The following TSR1 variants were observed in gnomAD, a reference collection of about 807,000 sequenced individuals.
TSR1 encodes pre-rRNA-processing protein TSR1 homolog.
A neutral mutation model predicts 90.9 loss-of-function variants in TSR1; 81 were observed. That is an observed-to-expected ratio of 0.89 (90% CI 0.74 to 1.07). The LOEUF is 1.07. Among genes scored for constraint, TSR1 ranks in the 50% least tolerant of loss-of-function variants. The probability of loss-of-function intolerance (pLI) is 0.00; values close to 1 mark genes in which losing one functional copy is unlikely to be tolerated. For synonymous variants in TSR1, 362 were observed against 348.8 expected, an observed-to-expected ratio of 1.04 and a Z score of -0.42; for missense variants, 989 against 987.3, an observed-to-expected ratio of 1.00 and a Z score of -0.02.
chr17:2,327,974 G>A (rs2075584384), intron 11 of TSR1, among the ~76,000 whole-genome samples: 1 of 152,030 alleles, frequency 6.6e-6, no homozygotes, highest in African/African-American at 2.4e-5. Flanking sequence ...TGACTGGCCA[G>A]GCGCAGTGGC....
chr17:2,328,612 AC>A (rs1449472937), intron 11 of TSR1, among the ~76,000 whole-genome samples: 3 of 149,144 alleles, frequency 2.0e-5, no homozygotes, highest in African/African-American at 7.4e-5. Flanking sequence ...AAACAAACAA[AC>A]AAAAAAAAAC....
chr17:2,333,703 T>G lies in TSR1; in HGVS notation c.995A>C (p.Asp332Ala). 6.2e-7 allele frequency: 1 copy of G among 1,613,972 alleles called. No individual in the cohort carries two copies. Among genetic ancestry groups the G allele is most frequent in the Non-Finnish European group, 8.5e-7 (1 of 1,180,004 alleles). The change falls in exon 6 of 15, where the codon GAT (aspartate) becomes GCT (alanine). Residue 332 changes from aspartate (D) to alanine (A), a missense_variant. Transcript: ENST00000301364. ...PDMAMEICAT[D>A]AVDDMEEGLK... is the part of the protein sequence containing the mutation. ...ACCTTCTTCCATATCATCTACAGCA[T>G]CCGTAGCACAAATCTGAAAACCAAA...
At chr17:2,332,916 A>C (rs1244304514) in intron 7 of TSR1, 45 bp downstream of exon 7, 7 of 1,588,714 alleles carry the variant, frequency 4.4e-6, no homozygotes, top group Non-Finnish European at 6.0e-6. Context: ...TTTGCCTTAC[A>C]TTTGGAGCTA....
chr17:2,329,357 G>C lies in TSR1; in HGVS notation c.1889C>G (p.Ser630Cys), dbSNP rs142295117. The C allele has an allele frequency of 2.5e-6, 4 of 1,614,192 alleles. No homozygotes were observed. Among genetic ancestry groups the C allele is most frequent in the Non-Finnish European group, 3.4e-6 (4 of 1,180,038 alleles). ...FRRFRASPLF[S>C]QHTAADKHKL... is the part of the protein sequence containing the mutation. ...CCATTGCTAACCTGCAGTGTGCTGA[G>C]AGAATAAAGGTGAGGCTCGGAAGCG... Residue 630 changes from serine to cysteine, a missense_variant, in exon 11 of 15, where the codon TCT (serine) becomes TGT (cysteine). Ser to Cys is a moderately radical substitution (Grantham distance 112). Coordinates refer to ENST00000301364, the MANE Select transcript of TSR1 (RefSeq NM_018128.5).
Position 2,324,693 on chromosome 17 carries a change from G to A in TSR1, c.2157C>T (p.Asn719=), listed in dbSNP as rs200831927. The A allele has an allele frequency of 6.2e-7, 1 of 1,614,050 alleles. No individual in the cohort carries two copies. ...ATCCTCCTCCTTCATACCCACCTCT[G>A]TTGAAGAACATGTAACGTACTACTG... is the stretch of plus-strand genomic sequence containing the variant. ...KMAVVRYMFF[N]REDVLWFKPV... The change falls in exon 13 of 15, where the codon AAC becomes AAT. Residue 719 remains asparagine (N), a synonymous_variant. Transcript: ENST00000301364.
At position 2,329,359 on chromosome 17, in the gene TSR1, G is replaced by T; in HGVS notation, c.1887C>A (p.Phe629Leu). 6.2e-7 allele frequency: 1 copy of T among 1,614,214 alleles called. No homozygotes were observed. Among genetic ancestry groups the T allele is most frequent in the Non-Finnish European group, 8.5e-7 (1 of 1,180,036 alleles). Residue 629 changes from phenylalanine (F) to leucine (L), a missense_variant, in exon 11 of 15, where the codon TTC (phenylalanine) becomes TTA (leucine). Physicochemically the swap from Phe to Leu is conservative, Grantham distance 22. Coordinates refer to ENST00000301364, the MANE Select transcript of TSR1 (RefSeq NM_018128.5). ...ATTGCTAACCTGCAGTGTGCTGAGA[G>T]AATAAAGGTGAGGCTCGGAAGCGCC... ...GFRRFRASPL[F>L]SQHTAADKHK...
intron 10 of TSR1, chr17:2,330,161 C>A (rs1179129852): frequency 2.3e-6 from 1 of 437,050 alleles, no homozygotes; most frequent in East Asian, 5.7e-5. Flanking sequence ...TCAGGTGATC[C>A]ACCCACCTTG....
In TSR1 at chr17:2,322,893, T is replaced by C; in HGVS notation, c.*1303A>G. The C allele has an allele frequency of 2.2e-6, 1 of 455,364 alleles. No individual in the cohort carries two copies. The highest frequency in any genetic ancestry group is 4.1e-6 in the Non-Finnish European group (1 of 246,660). 28.2% of individuals were successfully genotyped at this position (455,364 alleles called of 1,614,324 possible). ...GATTCTCCTACCTCAGCCTCTTGAGTAGCTGGGATTACAGGGGTCTGCCAC... is the reference window on the plus strand; with the variant it reads ...GATTCTCCTACCTCAGCCTCTTGAGCAGCTGGGATTACAGGGGTCTGCCAC... On this transcript the variant is annotated 3_prime_UTR_variant, in exon 15 of 15. Coordinates refer to ENST00000301364, the MANE Select transcript of TSR1 (RefSeq NM_018128.5).
chr17:2,336,358 G>A lies in TSR1; in HGVS notation c.70C>T (p.Arg24Trp). ...TTGCCGTCCCGCTGTGCAGATCCCCGACCCCGATGCCGTCCGCCTTTATGA... is the reference window on the plus strand; with the variant it reads ...TTGCCGTCCCGCTGTGCAGATCCCCAACCCCGATGCCGTCCGCCTTTATGA... Reference protein sequence around the residue: ...KAHKGGRHRGRGSAQRDGKGR... With the variant: ...KAHKGGRHRGWGSAQRDGKGR... The change falls in exon 1 of 15, where the codon CGG (arginine) becomes TGG (tryptophan). Residue 24 changes from arginine (R) to tryptophan (W), a missense_variant. Coordinates refer to ENST00000301364, the MANE Select transcript of TSR1 (RefSeq NM_018128.5). 2 of 1,613,912 alleles carry A rather than the reference G, an allele frequency of 1.2e-6. No individual in the cohort carries two copies. Among genetic ancestry groups the A allele is most frequent in the African/African-American group, 1.3e-5 (1 of 75,046 alleles).
chr17:2,334,888 C>T lies in TSR1; in HGVS notation c.565G>A (p.Val189Ile). 6.2e-7 allele frequency: 1 copy of T among 1,610,034 alleles called. No individual in the cohort carries two copies. The highest frequency in any genetic ancestry group is 8.5e-7 in the Non-Finnish European group (1 of 1,178,098). ...AGTGGGAGGCCAGAAATCCCCTGGA[C>T]AGCTAGTGCTGTAAGCGAAAGAGAA... ...AQGLPTYTLA[V>I]QGISGLPLKK... The change falls in exon 5 of 15, where the codon GTC (valine) becomes ATC (isoleucine). Residue 189 changes from valine to isoleucine, a missense_variant. Physicochemically the swap from Val to Ile is conservative, Grantham distance 29. Transcript: ENST00000301364.
chr17:2,334,647 A>G lies in TSR1; in HGVS notation c.806T>C (p.Val269Ala), dbSNP rs1206021790. 7.5e-6 allele frequency: 12 copies of G among 1,600,100 alleles called. No homozygotes were observed. Among genetic ancestry groups the G allele is most frequent in the Non-Finnish European group, 1.0e-5 (12 of 1,167,900 alleles). ...ATAGCCTGAAATTTTCAAGGTGCCC[A>G]CCAAGTTATTCTCTTCACTAGGAAC... is the stretch of plus-strand genomic sequence containing the variant. ...DFVPSEENNL[V>A]GTLKISGYVR... is the part of the protein sequence containing the mutation. The change falls in exon 5 of 15, where the codon GTG becomes GCG. Residue 269 changes from valine to alanine, a missense_variant. Coordinates refer to ENST00000301364, the MANE Select transcript of TSR1 (RefSeq NM_018128.5).
intron 5 of TSR1, 62 bp from the exon 6 acceptor site, chr17:2,333,778 TA>T (rs1443225710): frequency 2.5e-6 from 4 of 1,597,842 alleles, no homozygotes; most frequent in Non-Finnish European, 3.4e-6. Context: ...TCTAACACAG[TA>T]ACCAGAAAGA....
rs1394921812 is a variant in TSR1 at position 2,329,491 on chromosome 17, GA to G, written c.1771-17del. On this transcript the variant is annotated splice_polypyrimidine_tract_variant and intron_variant, in intron 10 of 14. Transcript: ENST00000301364. Reference sequence around the variant, plus strand: ...ATACTGACATCTGGGGACCAAGTAAGAAAAACAAAAATCTTCATAGTCTAGG... The same window carrying G: ...ATACTGACATCTGGGGACCAAGTAAGAAAACAAAAATCTTCATAGTCTAGG... The G allele has an allele frequency of 2.3e-5, 37 of 1,610,480 alleles. No individual in the cohort carries two copies. The highest frequency in any genetic ancestry group is 3.1e-5 in the Non-Finnish European group (37 of 1,179,092).
chr17:2,330,312 C>T, intron 10 of TSR1: 3 of 702,444 alleles, frequency 4.3e-6, no homozygotes, highest in South Asian at 4.1e-5. Flanking sequence ...GAGATTGCAT[C>T]ACTGAGATGC....
In TSR1 at chr17:2,335,345, C is replaced by T; in HGVS notation, c.471G>A (p.Leu157=). Residue 157 remains leucine (L), a synonymous_variant, in exon 4 of 15, where the codon CTG becomes CTA. Coordinates refer to ENST00000301364, the MANE Select transcript of TSR1 (RefSeq NM_018128.5). Reference sequence around the variant, plus strand: ...AGCCTTCTAGTGGATCAAGGAGGAACAGGATGGTATCAGCTACTTTAGCCA... The same window carrying T: ...AGCCTTCTAGTGGATCAAGGAGGAATAGGATGGTATCAGCTACTTTAGCCA... The part of the protein sequence containing the change: ...LDMAKVADTI[L]FLLDPLEGWD... The T allele has an allele frequency of 3.7e-6, 6 of 1,613,274 alleles. No individual in the cohort carries two copies. Among genetic ancestry groups the T allele is most frequent in the Non-Finnish European group, 5.1e-6 (6 of 1,179,966 alleles).
intron 6 of TSR1, chr17:2,333,335 T>C (rs1285178304): frequency 1.2e-6 from 1 of 850,224 alleles, no homozygotes; most frequent in Non-Finnish European, 1.9e-6. Flanking sequence ...TCCAAAGTTG[T>C]TTATCTGTTC....
chr17:2,332,294 A>G lies in TSR1; in HGVS notation c.1371T>C (p.Asp457=). 1.2e-6 allele frequency: 2 copies of G among 1,613,962 alleles called. No homozygotes were observed. The highest frequency in any genetic ancestry group is 1.7e-6 in the Non-Finnish European group (2 of 1,180,008). ...TMTIGESVHD[D]LYDKKVDEEA... ...CTTCATCTACTTTCTTATCATACAG[A>G]TCATCATGCACAGACTCCCCAATAG... The change falls in exon 8 of 15, where the codon GAT becomes GAC. Residue 457 remains aspartate, a synonymous_variant. Coordinates refer to ENST00000301364, the MANE Select transcript of TSR1 (RefSeq NM_018128.5).
At position 2,332,190 on chromosome 17, in the gene TSR1, CG is replaced by C; in HGVS notation, c.1474del (p.Arg492ValfsTer88). On this transcript the variant is annotated frameshift_variant, in exon 8 of 15. Coordinates refer to ENST00000301364, the MANE Select transcript of TSR1 (RefSeq NM_018128.5). LOFTEE classifies it high-confidence loss of function. ...TAACCGAATTCGAGCAGCCACATCA[CG>C]GGGCGTGTCCACTTCATCTGGAAAC... ...EMFPDEVDTP[R>X]DVAARIRFQK... 6.2e-7 allele frequency: 1 copy of C among 1,613,018 alleles called. No homozygotes were observed. The highest frequency in any genetic ancestry group is 8.5e-7 in the Non-Finnish European group (1 of 1,179,780).
intron 7 of TSR1, among the ~76,000 whole-genome samples, chr17:2,332,655 T>C (rs1363369023): frequency 6.6e-6 from 1 of 152,048 alleles, no homozygotes; most frequent in African/African-American, 2.4e-5. Context: ...GCTAACACAG[T>C]GAAACCCCGT....
Sources: allele counts gnomAD v4.1 joint callset (sites outside exome capture counted in the v4.1 genomes callset), GRCh38; gene constraint gnomAD v4.1.1; transcripts MANE v1.5; gene names NCBI Gene and HGNC (gene_info 2026-07-23, HGNC 2026-07-21).